Variants in DAB1 observed in about 807,000 individuals in gnomAD.
DAB1 encodes the protein disabled homolog 1.
DAB1 carries 15 observed loss-of-function variants against 64.6 expected under a neutral mutation model. The observed-to-expected ratio is 0.23, with a 90% CI of 0.16 to 0.36. DAB1 has a LOEUF of 0.36. DAB1 is among the 10% of genes least tolerant of loss of function. The probability of loss-of-function intolerance (pLI) is 1.00; values close to 1 mark genes in which losing one functional copy is unlikely to be tolerated. For synonymous variants in DAB1, 235 were observed against 251.9 expected (o/e 0.93, Z 0.64); for missense variants, 596 against 706.7 (o/e 0.84, Z 1.78).
rs573201664 is a variant in DAB1, at chr1:57,314,754, A to G, written c.-136-23588T>C. 9.6e-4 allele frequency among the ~76,000 whole-genome samples: 140 copies of G among 146,382 alleles called. 1 individual carries two copies. Among genetic ancestry groups the G allele is most frequent in the Non-Finnish European group, 1.7e-3 (112 of 65,350 alleles). On this transcript the variant is annotated intron_variant, in intron 1 of 14. Transcript: ENST00000371236. Reference sequence around the variant, plus strand: ...GCAACATATCAAGACATTGTCTCAGAAAAAAAAAACACAAAACACACACAC... The same window carrying G: ...GCAACATATCAAGACATTGTCTCAGGAAAAAAAAACACAAAACACACACAC...
At chr1:57,524,194 A>G (rs1644564339) in intron 7 of DAB1, among the ~76,000 whole-genome samples, 1 of 152,126 alleles carries the variant, frequency 6.6e-6, no homozygotes, top group Non-Finnish European at 1.5e-5. Flanking sequence ...GAGAAAAGAC[A>G]TAGAGGCGAA....
intron 3 of DAB1, among the ~76,000 whole-genome samples, chr1:58,423,322 C>G (rs558293689): frequency 2.0e-5 from 3 of 152,250 alleles, no homozygotes; most frequent in African/African-American, 7.2e-5. Context: ...AGTCCAATAT[C>G]AAAAAAGAGA....
intron 10 of DAB1, among the ~76,000 whole-genome samples, chr1:57,025,053 A>T (rs1290902711): frequency 6.6e-6 from 1 of 152,056 alleles, no homozygotes; most frequent in Admixed American, 6.6e-5. Flanking sequence ...TTGCCAATGA[A>T]CCATAGCACC....
chr1:57,056,675 G>T (rs1159847882), intron 9 of DAB1, among the ~76,000 whole-genome samples: 1 of 151,750 alleles, frequency 6.6e-6, no homozygotes, highest in Non-Finnish European at 1.5e-5. Flanking sequence ...GACCAGACTG[G>T]CTAACATGGT....
intron 4 of DAB1, among the ~76,000 whole-genome samples, chr1:58,214,469 G>GA (rs1217800880): frequency 6.6e-6 from 1 of 152,210 alleles, no homozygotes; most frequent in Non-Finnish European, 1.5e-5. Flanking sequence ...CATACCAGGA[G>GA]AGTGTGGCAG....
chr1:57,689,152 T>C (rs896524230), intron 6 of DAB1, among the ~76,000 whole-genome samples: 1 of 152,158 alleles, frequency 6.6e-6, no homozygotes, highest in Non-Finnish European at 1.5e-5. Context: ...GCTAATTAAA[T>C]GGATAGATTT....
chr1:58,029,842 T>C (rs1375294585), intron 5 of DAB1, among the ~76,000 whole-genome samples: 1 of 152,116 alleles, frequency 6.6e-6, no homozygotes, highest in Non-Finnish European at 1.5e-5. Flanking sequence ...TTAAATAATG[T>C]TTAATAATAT....
intron 4 of DAB1, among the ~76,000 whole-genome samples, chr1:58,173,540 A>C (rs759996235): frequency 2.6e-5 from 4 of 152,146 alleles, no homozygotes; most frequent in Non-Finnish European, 5.9e-5. Flanking sequence ...GGTTCCTAGT[A>C]GATACAAAAT....
chr1:57,809,199 C>T (rs1178577586), intron 6 of DAB1, among the ~76,000 whole-genome samples: 1 of 152,132 alleles, frequency 6.6e-6, no homozygotes, highest in Non-Finnish European at 1.5e-5. Context: ...AGAAAAGCAT[C>T]ATTCAAAATC....
chr1:58,300,664 GGAAGGAAGGA>G (rs1662146715), intron 4 of DAB1, among the ~76,000 whole-genome samples: 1 of 125,772 alleles, frequency 8.0e-6, no homozygotes, highest in African/African-American at 3.2e-5. Context: ...AAGGAAGGAA[GGAAGGAAGGA>G]AGGAAGGAAG....
intron 4 of DAB1, among the ~76,000 whole-genome samples, chr1:58,248,143 G>A (rs1319428538): frequency 6.6e-6 from 1 of 152,110 alleles, no homozygotes; most frequent in African/African-American, 2.4e-5. Context: ...TTCATTTTGA[G>A]GGAGGTGGGT....
intron 7 of DAB1, among the ~76,000 whole-genome samples, chr1:57,602,088 T>C (rs948674687): frequency 1.3e-5 from 2 of 152,200 alleles, no homozygotes; most frequent in African/African-American, 2.4e-5. Context: ...TCAAAATTCA[T>C]TGCATAAAAA....
chr1:57,879,880 AG>A (rs1644115651), intron 1 of DAB1, among the ~76,000 whole-genome samples: 1 of 152,182 alleles, frequency 6.6e-6, no homozygotes, highest in African/African-American at 2.4e-5. Context: ...GCCCAAACGC[AG>A]GGAACAGCCC....
intron 2 of DAB1, among the ~76,000 whole-genome samples, chr1:58,515,561 A>G (rs1466929127): frequency 6.6e-6 from 1 of 152,226 alleles, no homozygotes; most frequent in Admixed American, 6.5e-5. Flanking sequence ...TGGGTGATAA[A>G]ATTAAGTTCC....
chr1:57,252,626 A>G (rs1669438003), intron 2 of DAB1, among the ~76,000 whole-genome samples: 1 of 152,252 alleles, frequency 6.6e-6, no homozygotes, highest in South Asian at 2.1e-4. Context: ...GAAATAGACC[A>G]ACAATGAAAA....
chr1:57,094,458 A>G (rs1239681962), intron 4 of DAB1, among the ~76,000 whole-genome samples: 1 of 152,182 alleles, frequency 6.6e-6, no homozygotes, highest in Non-Finnish European at 1.5e-5. Context: ...TGCTGAAAGC[A>G]TCTTCTAGTT....
intron 2 of DAB1, among the ~76,000 whole-genome samples, chr1:57,272,832 G>A (rs987457163): frequency 1.3e-5 from 2 of 152,174 alleles, no homozygotes; most frequent in African/African-American, 4.8e-5. Context: ...AGTGGGTTGG[G>A]TGTGGGGCGG....
At chr1:57,357,426 A>T (rs1484377559) in intron 1 of DAB1, among the ~76,000 whole-genome samples, 1 of 151,788 alleles carries the variant, frequency 6.6e-6, no homozygotes, top group African/African-American at 2.4e-5. Flanking sequence ...CTGGTGCTTT[A>T]CCAACCCCAT....
At chr1:57,949,642 G>T (rs1334076740) in intron 5 of DAB1, among the ~76,000 whole-genome samples, 1 of 151,840 alleles carries the variant, frequency 6.6e-6, no homozygotes, top group Admixed American at 6.6e-5. Context: ...TATGAAAATG[G>T]AATCCTACTG....
Sources: gnomAD v4.1 joint callset for allele counts (sites outside exome capture counted in the v4.1 genomes callset) on GRCh38, gnomAD v4.1.1 for gene constraint, MANE v1.5 for transcripts, NCBI Gene and HGNC (gene_info 2026-07-23, HGNC 2026-07-21) for gene names.